TAFA1: variants seen among roughly 807,000 people sequenced by gnomAD.
TAFA1 encodes the protein TAFA chemokine like family member 1, also known as chemokine-like protein TAFA-1.
A neutral mutation model predicts 18.5 loss-of-function variants in TAFA1; 4 were observed. That is an observed-to-expected ratio of 0.22 (90% CI 0.11 to 0.49). The LOEUF is 0.49. TAFA1 is among the 20% of genes least tolerant of loss of function. The pLI is 0.98. For synonymous variants in TAFA1, 56 were observed against 55.2 expected, an observed-to-expected ratio of 1.01 and a Z score of -0.06; for missense variants, 147 against 169.0, an observed-to-expected ratio of 0.87 and a Z score of 0.72.
At chr3:68,463,296 TAAA>T (rs891351029) in intron 3 of TAFA1, among the ~76,000 whole-genome samples, 5 of 152,138 alleles carry the variant, frequency 3.3e-5, no homozygotes, top group African/African-American at 1.2e-4. Context: ...AGAAAAAAGT[TAAA>T]GAAGTTATTT....
At chr3:68,126,423 G>A (rs1415530674) in intron 2 of TAFA1, among the ~76,000 whole-genome samples, 1 of 152,132 alleles carries the variant, frequency 6.6e-6, no homozygotes, top group Non-Finnish European at 1.5e-5. Context: ...TTCCTTGGAG[G>A]GCTCTTATAT....
At chr3:68,250,779 T>TG (rs1259771284) in intron 2 of TAFA1, 2 of 148,700 alleles carry the variant, frequency 1.3e-5, no homozygotes, top group Non-Finnish European at 3.0e-5. Flanking sequence ...CATTTGTTGT[T>TG]TTTTTTTTTT....
chr3:68,099,969 T>C (rs2065129588), intron 2 of TAFA1, among the ~76,000 whole-genome samples: 1 of 151,372 alleles, frequency 6.6e-6, no homozygotes, highest in African/African-American at 2.4e-5. Flanking sequence ...GACATAAAGG[T>C]GGAAATAATA....
intron 2 of TAFA1, among the ~76,000 whole-genome samples, chr3:68,300,917 T>C (rs2068293091): frequency 6.6e-6 from 1 of 152,154 alleles, no homozygotes; most frequent in South Asian, 2.1e-4. Context: ...CCATGCTAAA[T>C]TGTAAGTCAA....
chr3:68,078,017 G>A (rs2064848826), intron 2 of TAFA1, among the ~76,000 whole-genome samples: 1 of 151,838 alleles, frequency 6.6e-6, no homozygotes. Context: ...CCTTGAAGAG[G>A]TCCTTCACAT....
the TAFA1 span, among the ~76,000 whole-genome samples, chr3:67,996,442 A>G: frequency 6.6e-6 from 1 of 152,180 alleles, no homozygotes; most frequent in South Asian, 2.1e-4. Context: ...ATCTGGGAAA[A>G]TAGTAAAATG....
chr3:68,539,342 A>G (rs1361635731), intron 4 of TAFA1, among the ~76,000 whole-genome samples: 2 of 152,080 alleles, frequency 1.3e-5, no homozygotes, highest in African/African-American at 2.4e-5. Flanking sequence ...TGGGGAGTGA[A>G]TACATCATTC....
chr3:68,022,910 T>G (rs946824097), intron 2 of TAFA1, among the ~76,000 whole-genome samples: 1 of 146,782 alleles, frequency 6.8e-6, no homozygotes, highest in African/African-American at 2.5e-5. Flanking sequence ...CCTGTGCTAA[T>G]CATTCTATAT....
intron 2 of TAFA1, among the ~76,000 whole-genome samples, chr3:68,161,692 T>G (rs955608396): frequency 1.3e-5 from 2 of 152,250 alleles, no homozygotes; most frequent in Non-Finnish European, 2.9e-5. Context: ...TAGATCTTGA[T>G]AGCAAAGCTA....
intron 2 of TAFA1, among the ~76,000 whole-genome samples, chr3:68,229,343 A>G (rs2066842498): frequency 6.6e-6 from 1 of 152,222 alleles, no homozygotes; most frequent in South Asian, 2.1e-4. Flanking sequence ...GCTAGGTGAA[A>G]AAGTAGAAAT....
chr3:68,266,316 A>G (rs960541132), intron 2 of TAFA1, among the ~76,000 whole-genome samples: 5 of 152,268 alleles, frequency 3.3e-5, no homozygotes, highest in South Asian at 2.1e-4. Context: ...GATATAAAAT[A>G]CCTTTAATTG....
At chr3:68,276,440 T>TA (rs2067799855) in intron 2 of TAFA1, among the ~76,000 whole-genome samples, 3 of 152,178 alleles carry the variant, frequency 2.0e-5, no homozygotes, top group Non-Finnish European at 4.4e-5. Context: ...GGTATGAAAG[T>TA]ATTAATGCCA....
rs148305024 is a variant in TAFA1 at position 68,235,392 on chromosome 3, C to A, written c.119-181888C>A. On this transcript the variant is annotated intron_variant, in intron 2 of 4. Coordinates refer to ENST00000478136, the MANE Select transcript of TAFA1 (RefSeq NM_213609.4). ...CTTAACACCTACCAGTTATAAAATT[C>A]TGGGCGTGTTATTTAATTTTTTTTC... 7.9e-5 allele frequency among the ~76,000 whole-genome samples: 12 copies of A among 152,236 alleles called. No homozygotes were observed. The East Asian group carries it at 2.3e-3, about 29-fold the overall frequency.
chr3:68,056,414 G>A (rs1269415626), intron 2 of TAFA1, among the ~76,000 whole-genome samples: 2 of 152,088 alleles, frequency 1.3e-5, no homozygotes, highest in Non-Finnish European at 2.9e-5. Flanking sequence ...CATGTCCCAG[G>A]AACACCCTCT....
chr3:68,053,163 C>T (rs1242800296), intron 2 of TAFA1, among the ~76,000 whole-genome samples: 1 of 151,990 alleles, frequency 6.6e-6, no homozygotes, highest in Non-Finnish European at 1.5e-5. Context: ...CTTTTTCTAA[C>T]ACTAGCACAG....
chr3:68,028,537 G>T (rs943314244), intron 2 of TAFA1, among the ~76,000 whole-genome samples: 2 of 152,078 alleles, frequency 1.3e-5, no homozygotes, highest in Non-Finnish European at 2.9e-5. Context: ...GAGAACAGAA[G>T]TCCCAGACAT....
At chr3:68,239,297 CAA>C (rs899161856) in intron 2 of TAFA1, among the ~76,000 whole-genome samples, 6 of 152,074 alleles carry the variant, frequency 3.9e-5, no homozygotes, top group African/African-American at 1.4e-4. Flanking sequence ...GTTCATGTTA[CAA>C]AGTTTATCAA....
chr3:68,412,574 T>G (rs2070737607), intron 2 of TAFA1, among the ~76,000 whole-genome samples: 1 of 152,160 alleles, frequency 6.6e-6, no homozygotes, highest in South Asian at 2.1e-4. Flanking sequence ...CCCCACCCTG[T>G]GTCCAAGTGT....
intron 2 of TAFA1, among the ~76,000 whole-genome samples, chr3:68,068,716 G>A (rs1267221665): frequency 1.3e-5 from 2 of 152,028 alleles, no homozygotes; most frequent in East Asian, 3.9e-4. Context: ...CTAGTAGCGT[G>A]GTTTGTCATC....
Sources: allele counts gnomAD v4.1 joint callset (sites outside exome capture counted in the v4.1 genomes callset), GRCh38; gene constraint gnomAD v4.1.1; transcripts MANE v1.5; gene names NCBI Gene and HGNC (gene_info 2026-07-23, HGNC 2026-07-21).